Variants in ST8SIA6 observed in about 807,000 individuals in gnomAD.
ST8SIA6 encodes the protein alpha-2,8-sialyltransferase 8F.
A neutral mutation model predicts 33.6 loss-of-function variants in ST8SIA6; 39 were observed. The observed-to-expected ratio is 1.16, with a 90% CI of 0.90 to 1.52. The LOEUF is 1.52. Among genes scored for constraint, ST8SIA6 ranks in the 40% most tolerant of loss-of-function variants. ST8SIA6 has a pLI of 0.00. For synonymous variants in ST8SIA6, 172 were observed against 167.2 expected (o/e 1.03, Z -0.22); for missense variants, 441 against 443.8 (o/e 0.99, Z 0.06).
intron 2 of ST8SIA6, among the ~76,000 whole-genome samples, chr10:17,431,127 C>G (rs1274212286): frequency 6.6e-6 from 1 of 152,122 alleles, no homozygotes; most frequent in African/African-American, 2.4e-5. Flanking sequence ...TAGGAAGAAG[C>G]CCTTTGCTCT....
chr10:17,387,946 T>C (rs1296787235), intron 3 of ST8SIA6, among the ~76,000 whole-genome samples: 1 of 152,240 alleles, frequency 6.6e-6, no homozygotes, highest in Non-Finnish European at 1.5e-5. Context: ...TTTAAGGCTT[T>C]CAATGGTTCA....
chr10:17,367,818 T>C (rs116362046), intron 3 of ST8SIA6, among the ~76,000 whole-genome samples: 245 of 152,270 alleles, frequency 1.6e-3, no homozygotes, highest in African/African-American at 5.6e-3. Flanking sequence ...TTTCTTGAAG[T>C]TACAACAGTA....
At position 17,331,429 on chromosome 10, in the gene ST8SIA6, GTTC is replaced by G. The variant is rs760973957; in HGVS notation, c.498_500del (p.Lys166del). On this transcript the variant is annotated inframe_deletion, in exon 5 of 8. Transcript: ENST00000377602. ...TCACCACTGGAAACATATGAAAAAT[GTTC>G]TTCTTAATTGGGATTTCTTTTTTGC... 15 of 1,613,102 alleles carry G rather than the reference GTTC, an allele frequency of 9.3e-6. No individual in the cohort carries two copies. The highest frequency in any genetic ancestry group is 4.0e-5 in the African/African-American group (3 of 74,890).
intron 4 of ST8SIA6, among the ~76,000 whole-genome samples, chr10:17,350,297 A>C (rs1490144564): frequency 6.6e-6 from 1 of 152,220 alleles, no homozygotes; most frequent in Non-Finnish European, 1.5e-5. Flanking sequence ...AGCATCTTTG[A>C]GTATTTAAGA....
At chr10:17,437,003 C>T (rs894979483) in intron 2 of ST8SIA6, among the ~76,000 whole-genome samples, 3 of 152,156 alleles carry the variant, frequency 2.0e-5, no homozygotes, top group African/African-American at 4.8e-5. Flanking sequence ...TTATCAGCAG[C>T]GTGAAAACTA....
chr10:17,330,960 T>C (rs1848280210), intron 5 of ST8SIA6, among the ~76,000 whole-genome samples: 1 of 152,210 alleles, frequency 6.6e-6, no homozygotes, highest in Non-Finnish European at 1.5e-5. Context: ...ACAATCTCTA[T>C]CTTATGGTGG....
At chr10:17,379,696 TCA>T (rs544325983) in intron 3 of ST8SIA6, among the ~76,000 whole-genome samples, 14 of 152,256 alleles carry the variant, frequency 9.2e-5, no homozygotes, top group African/African-American at 3.4e-4. Flanking sequence ...CCAGACCGAA[TCA>T]ATGTACTTCT....
At position 17,319,954 on chromosome 10, in the gene ST8SIA6, T is replaced by C. The variant is rs1318549516; in HGVS notation, c.*924A>G. 1 of 152,212 alleles carries C rather than the reference T, an allele frequency of 6.6e-6. No individual in the cohort carries two copies. Among genetic ancestry groups the C allele is most frequent in the African/African-American group, 2.4e-5 (1 of 41,454 alleles). The allele number at this position is 152,212 out of a possible 1,614,324, so 9.4% of individuals were successfully genotyped here. On this transcript the variant is annotated 3_prime_UTR_variant, in exon 8 of 8. Coordinates refer to ENST00000377602, the MANE Select transcript of ST8SIA6 (RefSeq NM_001004470.3). The stretch of plus-strand genomic sequence containing the variant: ...TGTAGCACTTTATTCATAGCTTTTG[T>C]CATTGTAATACTTATCATACCCCAT...
intron 2 of ST8SIA6, among the ~76,000 whole-genome samples, chr10:17,411,073 A>G (rs1306331198): frequency 6.6e-6 from 1 of 152,186 alleles, no homozygotes; most frequent in Non-Finnish European, 1.5e-5. Context: ...ATGGAATAAA[A>G]TTACTTGAAT....
chr10:17,437,163 T>C (rs1221644694), intron 2 of ST8SIA6, among the ~76,000 whole-genome samples: 1 of 152,068 alleles, frequency 6.6e-6, no homozygotes, highest in Non-Finnish European at 1.5e-5. Context: ...CTCATACGTA[T>C]TTCACATATA....
chr10:17,444,421 C>G (rs17141128), intron 2 of ST8SIA6, among the ~76,000 whole-genome samples: 9,355 of 152,170 alleles, frequency 0.061, 958 homozygotes, highest in African/African-American at 0.21. Flanking sequence ...AAATAAAATT[C>G]CACCTCCAAC....
At chr10:17,331,256 C>T (rs1848289542) in intron 5 of ST8SIA6, 152 bp downstream of exon 5, 2 of 813,052 alleles carry the variant, frequency 2.5e-6, no homozygotes, top group Non-Finnish European at 3.6e-6. Flanking sequence ...TCAAAATGGC[C>T]CTTTTAAAAA....
intron 2 of ST8SIA6, 105 bp downstream of exon 2, chr10:17,453,454 G>T (rs1370151178): frequency 3.4e-6 from 3 of 870,874 alleles, no homozygotes; most frequent in Non-Finnish European, 4.6e-6. Context: ...CACTCGCGCC[G>T]TCCCAGCCTG....
rs756320508 is a variant in ST8SIA6, at chr10:17,408,235, A to G, written c.201-17615T>C. On this transcript the variant is annotated intron_variant, in intron 2 of 7. Coordinates refer to ENST00000377602, the MANE Select transcript of ST8SIA6 (RefSeq NM_001004470.3). Reference sequence around the variant, plus strand: ...CCTGTCGCTTCTGAGAAGACACCCAATCCAAGAATGTGAGTTCTGGAAATG... The same window carrying G: ...CCTGTCGCTTCTGAGAAGACACCCAGTCCAAGAATGTGAGTTCTGGAAATG... 7.2e-5 allele frequency: 11 copies of G among 152,706 alleles called. No homozygotes were observed. The East Asian group carries it at 9.6e-4, about 13-fold the overall frequency. 9.5% of individuals were successfully genotyped at this position (152,706 alleles called of 1,614,324 possible). A position where few individuals can be genotyped will look rare whatever the true frequency, so the allele number is the denominator to read the frequency against.
intron 3 of ST8SIA6, among the ~76,000 whole-genome samples, chr10:17,370,030 C>G (rs1004681670): frequency 6.7e-5 from 10 of 148,978 alleles, no homozygotes; most frequent in Admixed American, 2.7e-4. Context: ...CTAGCTCTGT[C>G]GCTGCAGTGG....
chr10:17,382,339 C>T (rs1384611683), intron 3 of ST8SIA6, among the ~76,000 whole-genome samples: 1 of 152,078 alleles, frequency 6.6e-6, no homozygotes, highest in Non-Finnish European at 1.5e-5. Context: ...AATTTTGGCT[C>T]ACTGCAACTT....
intron 2 of ST8SIA6, among the ~76,000 whole-genome samples, chr10:17,443,257 T>G (rs1288205203): frequency 6.6e-6 from 1 of 152,220 alleles, no homozygotes; most frequent in Non-Finnish European, 1.5e-5. Context: ...CACCAGGTTT[T>G]GGAATCACAC....
chr10:17,368,507 G>GTATTA (rs2131628957), intron 3 of ST8SIA6, among the ~76,000 whole-genome samples: 1 of 150,116 alleles, frequency 6.7e-6, no homozygotes, highest in African/African-American at 2.4e-5. Context: ...TTAATAGCAT[G>GTATTA]TTAAAGTGCT....
intron 2 of ST8SIA6, among the ~76,000 whole-genome samples, chr10:17,432,319 C>A (rs147826424): frequency 1.5e-3 from 226 of 152,202 alleles, no homozygotes; most frequent in Middle Eastern, 6.8e-3. Context: ...TTAAAAGGAC[C>A]ACTTAGTGTG....
Sources: gnomAD v4.1 joint callset for allele counts (sites outside exome capture counted in the v4.1 genomes callset) on GRCh38, gnomAD v4.1.1 for gene constraint, MANE v1.5 for transcripts, NCBI Gene and HGNC (gene_info 2026-07-23, HGNC 2026-07-21) for gene names.